Variants in MYRFL observed in about 807,000 individuals in gnomAD.
MYRFL encodes myelin regulatory factor like.
In MYRFL, 88 loss-of-function variants were observed where a neutral mutation model predicts 109.4. The observed-to-expected ratio is 0.80, with a 90% CI of 0.68 to 0.96. The LOEUF (loss-of-function observed/expected upper bound fraction) is 0.96, where lower values mean the gene tolerates loss of function less well. Ranked by LOEUF, MYRFL falls within the 40% of genes least tolerant of loss-of-function variation. The probability of loss-of-function intolerance (pLI) is 0.00; values close to 1 mark genes in which losing one functional copy is unlikely to be tolerated. For synonymous variants in MYRFL, 324 were observed against 320.9 expected, an observed-to-expected ratio of 1.01 and a Z score of -0.10; for missense variants, 957 against 954.9, an observed-to-expected ratio of 1.00 and a Z score of -0.03.
At chr12:69,952,286 C>A in intron 20 of MYRFL, 111 bp downstream of exon 20, 2 of 915,414 alleles carry the variant, frequency 2.2e-6, no homozygotes, top group Non-Finnish European at 3.4e-6. Flanking sequence ...TGCAGCCTGC[C>A]TGCCACGCAT....
intron 1 of MYRFL, among the ~76,000 whole-genome samples, chr12:69,831,030 G>A (rs1393323756): frequency 1.3e-5 from 2 of 152,176 alleles, no homozygotes; most frequent in Non-Finnish European, 2.9e-5. Flanking sequence ...CCTAAAAGAA[G>A]AAGATCATTA....
intron 1 of MYRFL, among the ~76,000 whole-genome samples, chr12:69,836,377 T>A (rs1352187288): frequency 6.6e-6 from 1 of 152,154 alleles, no homozygotes; most frequent in East Asian, 1.9e-4. Flanking sequence ...TGTCCTCACC[T>A]AGGTCCATGG....
chr12:69,880,462 G>A (rs754725179), intron 5 of MYRFL, among the ~76,000 whole-genome samples, 170 bp downstream of exon 5: 1 of 152,146 alleles, frequency 6.6e-6, no homozygotes, highest in Non-Finnish European at 1.5e-5. Flanking sequence ...TCATGCAGGC[G>A]GGGTCACACA....
intron 10 of MYRFL, among the ~76,000 whole-genome samples, chr12:69,899,096 G>C (rs1411002963): frequency 6.6e-6 from 1 of 152,158 alleles, no homozygotes; most frequent in African/African-American, 2.4e-5. Context: ...TTCCAGATCT[G>C]ATAGTCTTCT....
intron 16 of MYRFL, among the ~76,000 whole-genome samples, chr12:69,933,841 G>A (rs1955354907): frequency 6.7e-6 from 1 of 149,640 alleles, no homozygotes; most frequent in African/African-American, 2.5e-5. Flanking sequence ...TAATTGTAAG[G>A]TAAAGAGACT....
intron 13 of MYRFL, among the ~76,000 whole-genome samples, chr12:69,924,562 CAGG>C (rs1955012996): frequency 6.6e-6 from 1 of 152,006 alleles, no homozygotes; most frequent in African/African-American, 2.4e-5. Flanking sequence ...TAATTTTCTC[CAGG>C]AGATCTGTGG....
intron 5 of MYRFL, among the ~76,000 whole-genome samples, chr12:69,882,984 A>G (rs1016402433): frequency 6.6e-6 from 1 of 152,182 alleles, no homozygotes; most frequent in African/African-American, 2.4e-5. Flanking sequence ...GACTTTACCC[A>G]TCTCTAAGAC....
intron 1 of MYRFL, among the ~76,000 whole-genome samples, chr12:69,839,819 C>A (rs144530465): frequency 2.6e-5 from 4 of 152,292 alleles, no homozygotes; most frequent in Non-Finnish European, 2.9e-5. Flanking sequence ...GCTCATGATT[C>A]TTTTGCTCCT....
chr12:69,916,178 A>G (rs887224594), intron 13 of MYRFL, among the ~76,000 whole-genome samples: 3 of 152,070 alleles, frequency 2.0e-5, no homozygotes, highest in African/African-American at 7.2e-5. Flanking sequence ...CCTGTCTCCA[A>G]GTAGCTTATT....
chr12:69,879,147 A>G (rs781342218), intron 3 of MYRFL, 48 bp from the exon 4 acceptor site: 2 of 687,702 alleles, frequency 2.9e-6, no homozygotes, highest in Non-Finnish European at 2.6e-6. Context: ...TTCCTCCTCG[A>G]CTCTGGGCCG....
At chr12:69,851,321 A>G (rs1270370025) in intron 1 of MYRFL, among the ~76,000 whole-genome samples, 2 of 152,326 alleles carry the variant, frequency 1.3e-5, no homozygotes, top group East Asian at 3.8e-4. Flanking sequence ...AAACTTGCAC[A>G]TGCACCCTTT....
rs377330318 is a variant in MYRFL at position 69,910,263 on chromosome 12, CCCCCACTCCTCCA to C, written c.1492+192_1492+204del. On this transcript the variant is annotated intron_variant, in intron 12 of 24. Transcript: ENST00000552032. ...ATTTCTGTGTCATTTTTACTCAACACCCCCACTCCTCCACCCCAAGGTACTGGTGGTGTAGGTT... is the reference window on the plus strand; with the variant it reads ...ATTTCTGTGTCATTTTTACTCAACACCCCCAAGGTACTGGTGGTGTAGGTT... Among the ~76,000 whole-genome samples the C allele has an allele frequency of 3.9e-3, 597 of 152,260 alleles. 2 individuals carry two copies. The highest frequency in any genetic ancestry group is 0.013 in the African/African-American group (550 of 41,546).
chr12:69,950,805 A>G (rs1955954434), intron 19 of MYRFL, among the ~76,000 whole-genome samples: 1 of 152,220 alleles, frequency 6.6e-6, no homozygotes, highest in Non-Finnish European at 1.5e-5. Flanking sequence ...ATTCTGAGAT[A>G]GCAATACTAA....
intron 14 of MYRFL, among the ~76,000 whole-genome samples, chr12:69,927,438 G>A (rs2120450964): frequency 6.6e-6 from 1 of 151,662 alleles, no homozygotes; most frequent in Non-Finnish European, 1.5e-5. Flanking sequence ...TGCTTAAGAA[G>A]GTTAATGCAC....
chr12:69,900,277 G>A (rs1007155231), intron 10 of MYRFL, among the ~76,000 whole-genome samples: 5 of 152,102 alleles, frequency 3.3e-5, no homozygotes, highest in Admixed American at 6.6e-5. Context: ...ACAGACACAC[G>A]CATTCCTCTT....
At chr12:69,865,080 C>T (rs969113692) in intron 2 of MYRFL, among the ~76,000 whole-genome samples, 2 of 152,156 alleles carry the variant, frequency 1.3e-5, no homozygotes, top group East Asian at 1.9e-4. Context: ...GATACCATTC[C>T]TTGTCCATCA....
chr12:69,857,249 A>T (rs553615348), intron 2 of MYRFL, among the ~76,000 whole-genome samples: 4 of 151,998 alleles, frequency 2.6e-5, no homozygotes, highest in African/African-American at 9.6e-5. Flanking sequence ...TGCCAACACA[A>T]CATTATCTTG....
intron 2 of MYRFL, among the ~76,000 whole-genome samples, chr12:69,869,107 A>C (rs754530883): frequency 5.9e-5 from 9 of 152,272 alleles, no homozygotes; most frequent in Non-Finnish European, 1.0e-4. Context: ...AATACTTTAA[A>C]TAACAACCAT....
intron 6 of MYRFL, among the ~76,000 whole-genome samples, chr12:69,889,107 G>A (rs1886635241): frequency 6.6e-6 from 1 of 152,040 alleles, no homozygotes; most frequent in South Asian, 2.1e-4. Flanking sequence ...AAACTCTTGT[G>A]TTATTCATTA....
Sources: allele counts gnomAD v4.1 joint callset (sites outside exome capture counted in the v4.1 genomes callset), GRCh38; gene constraint gnomAD v4.1.1; transcripts MANE v1.5; gene names NCBI Gene and HGNC (gene_info 2026-07-23, HGNC 2026-07-21).